Variants in PDGFC observed in about 807,000 individuals in gnomAD.
PDGFC encodes the protein platelet derived growth factor C, also known as platelet-derived growth factor C.
In PDGFC, 12 loss-of-function variants were observed where a neutral mutation model predicts 35.5. The ratio of observed to expected loss-of-function variants is 0.34; its 90% CI spans 0.22 to 0.55. The LOEUF is 0.55. Ranked by LOEUF, PDGFC falls within the 20% of genes least tolerant of loss-of-function variation. The probability of loss-of-function intolerance (pLI) is 0.91; values close to 1 mark genes in which losing one functional copy is unlikely to be tolerated. For missense variants in PDGFC, 322 were observed against 412.4 expected, an observed-to-expected ratio of 0.78 and a Z score of 1.90; for synonymous variants, 159 against 148.8, an observed-to-expected ratio of 1.07 and a Z score of -0.50.
At chr4:156,899,806 C>T (rs1392553220) in intron 1 of PDGFC, among the ~76,000 whole-genome samples, 2 of 152,156 alleles carry the variant, frequency 1.3e-5, no homozygotes, top group East Asian at 1.9e-4. Flanking sequence ...CAGAGTGAGA[C>T]TCCATCTCAA....
chr4:156,959,949 CA>C (rs1180558345), intron 1 of PDGFC, among the ~76,000 whole-genome samples: 2 of 151,862 alleles, frequency 1.3e-5, no homozygotes, highest in Non-Finnish European at 2.9e-5. Context: ...CACCGTGAAG[CA>C]AAAACTTCTT....
At chr4:156,960,150 CCTG>C (rs993147145) in intron 1 of PDGFC, among the ~76,000 whole-genome samples, 14 of 151,066 alleles carry the variant, frequency 9.3e-5, no homozygotes, top group Non-Finnish European at 1.9e-4. Flanking sequence ...TGGGAAATTG[CCTG>C]CTATTTTCAG....
At chr4:156,803,117 T>C (rs1022056929) in intron 3 of PDGFC, among the ~76,000 whole-genome samples, 4 of 152,118 alleles carry the variant, frequency 2.6e-5, no homozygotes. Flanking sequence ...GGGCAAGCAG[T>C]CCACATTGGA....
chr4:156,786,887 G>T (rs2110866512), intron 3 of PDGFC, among the ~76,000 whole-genome samples: 1 of 152,284 alleles, frequency 6.6e-6, no homozygotes, highest in Middle Eastern at 3.4e-3. Context: ...ATGTTTAAAA[G>T]GATCACACTC....
intron 1 of PDGFC, among the ~76,000 whole-genome samples, chr4:156,931,956 G>A (rs74559922): frequency 0.029 from 4,472 of 152,072 alleles, 92 homozygotes; most frequent in Non-Finnish European, 0.042. Flanking sequence ...AACATTTAAA[G>A]AGCATCTGCA....
intron 1 of PDGFC, among the ~76,000 whole-genome samples, chr4:156,883,735 T>G (rs1344333922): frequency 6.6e-6 from 1 of 152,190 alleles, no homozygotes. Flanking sequence ...TTTCTCTCAG[T>G]GTACCTTAAA....
intron 2 of PDGFC, among the ~76,000 whole-genome samples, chr4:156,824,319 TATATATATACAC>T (rs1316790952): frequency 2.6e-4 from 25 of 95,010 alleles, no homozygotes; most frequent in African/African-American, 1.2e-3. Flanking sequence ...TATATATATA[TATATATATACAC>T]ACACACACAC....
intron 1 of PDGFC, among the ~76,000 whole-genome samples, chr4:156,959,376 C>G (rs1732285872): frequency 6.6e-6 from 1 of 151,998 alleles, no homozygotes. Flanking sequence ...ACTTAAACAT[C>G]TAGTAAATGA....
chr4:156,826,174 A>ATATTTT (rs1553967848), intron 2 of PDGFC, among the ~76,000 whole-genome samples: 32 of 43,794 alleles, frequency 7.3e-4, no homozygotes, highest in East Asian at 2.5e-3. Context: ...TTTGAGTTGG[A>ATATTTT]TTTTTTTTTT....
chr4:156,912,737 T>C (rs556051894), intron 1 of PDGFC, among the ~76,000 whole-genome samples: 1 of 152,180 alleles, frequency 6.6e-6, no homozygotes, highest in South Asian at 2.1e-4. Context: ...TATGTAAGTA[T>C]ACTTTAAATA....
chr4:156,926,049 C>CAA (rs397707839), intron 1 of PDGFC, among the ~76,000 whole-genome samples: 2,077 of 67,112 alleles, frequency 0.031, 116 homozygotes, highest in East Asian at 0.071. Flanking sequence ...AGATCTGTCT[C>CAA]AAAAAAAAAA....
intron 2 of PDGFC, among the ~76,000 whole-genome samples, chr4:156,835,409 C>T (rs1303160974): frequency 6.6e-6 from 1 of 152,032 alleles, no homozygotes; most frequent in Non-Finnish European, 1.5e-5. Context: ...TTTAAGAAAT[C>T]TGAATCATAT....
intron 1 of PDGFC, among the ~76,000 whole-genome samples, chr4:156,857,113 G>T (rs942945356): frequency 1.7e-4 from 26 of 151,430 alleles, no homozygotes; most frequent in African/African-American, 6.3e-4. Flanking sequence ...ATAATCACAG[G>T]TTGATTTAAA....
At chr4:156,920,496 A>G (rs1037821481) in intron 1 of PDGFC, among the ~76,000 whole-genome samples, 1 of 152,204 alleles carries the variant, frequency 6.6e-6, no homozygotes, top group Non-Finnish European at 1.5e-5. Flanking sequence ...AACCTCTGCA[A>G]TGCCTCAATA....
At chr4:156,867,814 A>G (rs1159786215) in intron 1 of PDGFC, among the ~76,000 whole-genome samples, 1 of 152,216 alleles carries the variant, frequency 6.6e-6, no homozygotes, top group African/African-American at 2.4e-5. Context: ...GAGTGCTAAG[A>G]ATTTATGTAA....
chr4:156,862,360 T>C (rs1017922861), intron 1 of PDGFC, among the ~76,000 whole-genome samples: 5 of 152,150 alleles, frequency 3.3e-5, no homozygotes, highest in Admixed American at 1.3e-4. Context: ...TCAAAGCTAA[T>C]AGAAAGGCAT....
At chr4:156,885,650 G>A (rs1024569051) in intron 1 of PDGFC, among the ~76,000 whole-genome samples, 1 of 152,030 alleles carries the variant, frequency 6.6e-6, no homozygotes, top group African/African-American at 2.4e-5. Flanking sequence ...CCACACCTTT[G>A]GGAGGCTGAG....
chr4:156,866,201 G>A (rs989639826), intron 1 of PDGFC, among the ~76,000 whole-genome samples: 2 of 152,222 alleles, frequency 1.3e-5, no homozygotes, highest in East Asian at 3.9e-4. Context: ...GTGAGAACAT[G>A]CAGTGTTTGG....
chr4:156,804,821 G>T (rs1191613236), intron 3 of PDGFC, among the ~76,000 whole-genome samples: 2 of 151,922 alleles, frequency 1.3e-5, no homozygotes, highest in Non-Finnish European at 2.9e-5. Flanking sequence ...TTGTGAGGTT[G>T]CCATTTTAAC....
Sources: gnomAD v4.1 joint callset for allele counts (sites outside exome capture counted in the v4.1 genomes callset) on GRCh38, gnomAD v4.1.1 for gene constraint, MANE v1.5 for transcripts, NCBI Gene and HGNC (gene_info 2026-07-23, HGNC 2026-07-21) for gene names.